RNGTT: variants seen among roughly 807,000 people sequenced by gnomAD.
The protein encoded by RNGTT is RNA guanylyltransferase and 5'-phosphatase, also known as mRNA-capping enzyme.
Under a neutral mutation model 79.3 loss-of-function variants are expected in RNGTT, and 33 were observed. That is an observed-to-expected ratio of 0.42 (90% CI 0.32 to 0.56). The LOEUF is 0.56. Among genes scored for constraint, RNGTT ranks in the 20% least tolerant of loss-of-function variants. The pLI, the probability that RNGTT is intolerant of heterozygous loss-of-function variation, is 0.17. For missense variants in RNGTT, 497 were observed against 739.1 expected, an observed-to-expected ratio of 0.67 and a Z score of 3.80; for synonymous variants, 222 against 235.9, an observed-to-expected ratio of 0.94 and a Z score of 0.54.
At chr6:88,911,467 G>A (rs1002185637) in intron 4 of RNGTT, among the ~76,000 whole-genome samples, 5 of 152,222 alleles carry the variant, frequency 3.3e-5, no homozygotes, top group South Asian at 2.1e-4. Context: ...ATTGTAGCAC[G>A]CAGATTCATA....
intron 10 of RNGTT, among the ~76,000 whole-genome samples, chr6:88,849,312 AT>A (rs1238158640): frequency 6.6e-6 from 1 of 152,068 alleles, no homozygotes; most frequent in Non-Finnish European, 1.5e-5. Flanking sequence ...CCAGAAAAAA[AT>A]GTCTTTTAAT....
chr6:88,710,472 T>C (rs1776281124), intron 13 of RNGTT, among the ~76,000 whole-genome samples: 1 of 152,184 alleles, frequency 6.6e-6, no homozygotes, highest in Admixed American at 6.5e-5. Context: ...ATTAAAATGG[T>C]TATTTATTAG....
At chr6:88,785,602 A>C (rs991426424) in intron 12 of RNGTT, among the ~76,000 whole-genome samples, 3 of 152,184 alleles carry the variant, frequency 2.0e-5, no homozygotes, top group Non-Finnish European at 4.4e-5. Context: ...AGATAGAATG[A>C]CACTTTTGCA....
chr6:88,666,299 A>T (rs1774405309), intron 14 of RNGTT, among the ~76,000 whole-genome samples: 1 of 152,258 alleles, frequency 6.6e-6, no homozygotes, highest in African/African-American at 2.4e-5. Flanking sequence ...CCAAGACGTA[A>T]GGCCGTGGCT....
chr6:88,640,528 CAG>C (rs1208463344), intron 14 of RNGTT, among the ~76,000 whole-genome samples: 1 of 128,628 alleles, frequency 7.8e-6, no homozygotes, highest in African/African-American at 3.0e-5. Flanking sequence ...GCCTGGGTGA[CAG>C]AGTGAGACCT....
At chr6:88,768,406 C>A (rs1354117729) in intron 13 of RNGTT, among the ~76,000 whole-genome samples, 1 of 152,150 alleles carries the variant, frequency 6.6e-6, no homozygotes, top group East Asian at 1.9e-4. Context: ...CTGCACCCAG[C>A]CTCAAATAAA....
At position 88,940,084 on chromosome 6, in the gene RNGTT, C is replaced by A. The variant is rs61476483; in HGVS notation, c.174+987G>T. Among the ~76,000 whole-genome samples the A allele has an allele frequency of 2.5e-3, 320 of 129,322 alleles. 1 individual carries two copies. Among genetic ancestry groups the A allele is most frequent in the African/African-American group, 8.6e-3 (295 of 34,480 alleles). 84.8% of individuals were successfully genotyped at this position (129,322 alleles called of 152,430 possible). A position where few individuals can be genotyped will look rare whatever the true frequency, so the allele number is the denominator to read the frequency against. On this transcript the variant is annotated intron_variant, in intron 2 of 15. Transcript: ENST00000369485. ...AGTTTTTCTTTTTTTTTTTTCTTTT[C>A]TTTTTTTTTGAGACAGAGTCTCACT...
In RNGTT at chr6:88,918,391, A is replaced by C. The variant is rs150887640; in HGVS notation, c.367+10594T>G. On this transcript the variant is annotated intron_variant, in intron 4 of 15. Coordinates refer to ENST00000369485, the MANE Select transcript of RNGTT (RefSeq NM_003800.5). ...ACTGCAACAAAGTGGATAGGAAAAA[A>C]TGGATTCAAGTATAGATTCTTTTAA... 2.9e-4 allele frequency among the ~76,000 whole-genome samples: 44 copies of C among 152,230 alleles called. No individual in the cohort carries two copies. In the East Asian group the frequency reaches 8.5e-3, roughly 29 times the overall value.
At chr6:88,781,008 C>T (rs1779046632) in intron 12 of RNGTT, among the ~76,000 whole-genome samples, 1 of 152,100 alleles carries the variant, frequency 6.6e-6, no homozygotes, top group Non-Finnish European at 1.5e-5. Context: ...TGGTTAAAGG[C>T]TAGATATGCT....
intron 13 of RNGTT, among the ~76,000 whole-genome samples, chr6:88,703,637 A>G (rs950890778): frequency 2.0e-5 from 3 of 152,234 alleles, no homozygotes; most frequent in South Asian, 4.1e-4. Flanking sequence ...TCAGCATCAT[A>G]CAATATACCC....
rs375288691 is a variant in RNGTT at position 88,913,097 on chromosome 6, C to T, written c.368-6657G>A. Among the ~76,000 whole-genome samples the T allele has an allele frequency of 4.0e-5, 6 of 151,026 alleles. No homozygotes were observed. In the East Asian group the frequency reaches 5.9e-4, roughly 15 times the overall value. On this transcript the variant is annotated intron_variant, in intron 4 of 15. Transcript: ENST00000369485. Reference sequence around the variant, plus strand: ...GCACACGCCTGTAATCCCAGCTAATCGGGAGGCTGAGGCATGAGAATTGCT... The same window carrying T: ...GCACACGCCTGTAATCCCAGCTAATTGGGAGGCTGAGGCATGAGAATTGCT...
At chr6:88,696,690 G>C (rs748696145) in intron 13 of RNGTT, among the ~76,000 whole-genome samples, 10 of 152,072 alleles carry the variant, frequency 6.6e-5, no homozygotes, top group Non-Finnish European at 1.3e-4. Context: ...TTTATTTCCT[G>C]TGTTGGGAAA....
intron 2 of RNGTT, among the ~76,000 whole-genome samples, chr6:88,933,775 C>T (rs1784580178): frequency 6.6e-6 from 1 of 152,142 alleles, no homozygotes. Flanking sequence ...GCATAGTATT[C>T]CATTGTGTAT....
intron 14 of RNGTT, among the ~76,000 whole-genome samples, chr6:88,661,752 T>C (rs556599460): frequency 1.3e-5 from 2 of 151,200 alleles, no homozygotes; most frequent in East Asian, 3.9e-4. Flanking sequence ...ATTCAAAGAG[T>C]TGGTACCAAT....
intron 8 of RNGTT, among the ~76,000 whole-genome samples, chr6:88,872,200 T>C (rs1420027758): frequency 1.3e-5 from 2 of 152,186 alleles, no homozygotes; most frequent in Non-Finnish European, 2.9e-5. Flanking sequence ...TCAGTTTAAT[T>C]TGTAGGCCCC....
intron 9 of RNGTT, 104 bp from the exon 10 acceptor site, chr6:88,849,930 T>C: frequency 9.2e-7 from 1 of 1,092,372 alleles, no homozygotes; most frequent in Non-Finnish European, 1.2e-6. Flanking sequence ...ACCATAAATA[T>C]ACAACTTGAT....
Position 88,677,535 on chromosome 6 carries a change from T to C in RNGTT, c.1506+818A>G, listed in dbSNP as rs9444638. On this transcript the variant is annotated intron_variant, in intron 14 of 15. Coordinates refer to ENST00000369485, the MANE Select transcript of RNGTT (RefSeq NM_003800.5). ...AGGCTGGAATGCAGTGGTGTGATCA[T>C]GGCTCACTGCAACCTTGACCTCCCA... Among the ~76,000 whole-genome samples the C allele has an allele frequency of 7.8e-3, 1,182 of 151,874 alleles. 8 individuals are homozygous for C. The highest frequency in any genetic ancestry group is 0.026 in the African/African-American group (1,091 of 41,428).
At chr6:88,739,725 T>TTATATATATATATATATATG (rs1777406067) in intron 13 of RNGTT, among the ~76,000 whole-genome samples, 5 of 94,152 alleles carry the variant, frequency 5.3e-5, no homozygotes, top group Admixed American at 2.3e-4. Context: ...GTGAAAAAAA[T>TTATATATATATATATATATG]TATATATATA....
At chr6:88,924,591 G>A (rs1048431737) in intron 4 of RNGTT, among the ~76,000 whole-genome samples, 4 of 152,090 alleles carry the variant, frequency 2.6e-5, no homozygotes, top group Non-Finnish European at 5.9e-5. Context: ...CTCTCAAGTA[G>A]CTGGGATTAC....
Sources: allele counts gnomAD v4.1 joint callset (sites outside exome capture counted in the v4.1 genomes callset), GRCh38; gene constraint gnomAD v4.1.1; transcripts MANE v1.5; gene names NCBI Gene and HGNC (gene_info 2026-07-23, HGNC 2026-07-21).